Variants in ADAM22 observed in about 807,000 individuals in gnomAD.
The protein encoded by ADAM22 is disintegrin and metalloproteinase domain-containing protein 22.
In ADAM22, 65 loss-of-function variants were observed where a neutral mutation model predicts 144.6. That is an observed-to-expected ratio of 0.45 (90% CI 0.37 to 0.55). The LOEUF (loss-of-function observed/expected upper bound fraction) is 0.55. ADAM22 is among the 20% of genes least tolerant of loss of function. The pLI is 0.00. For missense variants in ADAM22, 974 were observed against 1,184.9 expected (o/e 0.82, Z 2.61); for synonymous variants, 391 against 412.6 (o/e 0.95, Z 0.63).
intron 3 of ADAM22, among the ~76,000 whole-genome samples, chr7:87,982,960 G>A (rs1266978280): frequency 6.6e-6 from 1 of 151,062 alleles, no homozygotes; most frequent in Admixed American, 6.6e-5. Context: ...CAAAGTGCTG[G>A]GATTACAAGT....
chr7:88,090,714 C>T lies in ADAM22; in HGVS notation c.390+15022C>T, dbSNP rs114672314. Among the ~76,000 whole-genome samples the T allele has an allele frequency of 6.7e-3, 1,023 of 152,094 alleles. 13 individuals are homozygous for T. Among genetic ancestry groups the T allele is most frequent in the African/African-American group, 0.023 (971 of 41,476 alleles). On this transcript the variant is annotated intron_variant, in intron 4 of 31. Coordinates refer to ENST00000413139, the MANE Select transcript of ADAM22 (RefSeq NM_001324418.2). ...AGAGCTCAACTTTCTAAAAGTGATT[C>T]CATAAGTAGGGTTCACCATATGGTA...
chr7:88,107,555 G>T (rs1824770758), intron 4 of ADAM22, among the ~76,000 whole-genome samples: 1 of 151,832 alleles, frequency 6.6e-6, no homozygotes, highest in Non-Finnish European at 1.5e-5. Flanking sequence ...TGGTGCAAGG[G>T]TCACATATGT....
chr7:87,959,319 TA>T (rs1847525879), intron 2 of ADAM22, among the ~76,000 whole-genome samples: 3 of 152,286 alleles, frequency 2.0e-5, no homozygotes, highest in South Asian at 4.1e-4. Flanking sequence ...ATAATATACA[TA>T]AAGCTGTAGC....
chr7:88,135,210 G>A (rs1267997503), intron 13 of ADAM22, among the ~76,000 whole-genome samples: 3 of 149,276 alleles, frequency 2.0e-5, no homozygotes, highest in Admixed American at 6.7e-5. Flanking sequence ...CCCAGGAGGC[G>A]GAGGTTGCGG....
chr7:87,967,092 G>A (rs1849308753), intron 2 of ADAM22, among the ~76,000 whole-genome samples: 1 of 152,102 alleles, frequency 6.6e-6, no homozygotes, highest in South Asian at 2.1e-4. Flanking sequence ...ATGTGAAGAA[G>A]GATGTGTTTG....
chr7:88,174,258 AC>A (rs1202248693), intron 26 of ADAM22, among the ~76,000 whole-genome samples: 1 of 152,140 alleles, frequency 6.6e-6, no homozygotes, highest in African/African-American at 2.4e-5. Flanking sequence ...TGTGAAGCAG[AC>A]CCACGTTTTT....
At chr7:88,024,787 C>T (rs1172352859) in intron 3 of ADAM22, among the ~76,000 whole-genome samples, 6 of 148,464 alleles carry the variant, frequency 4.0e-5, no homozygotes, top group African/African-American at 7.4e-5. Context: ...CACCTATGAG[C>T]GAGAACATGC....
intron 3 of ADAM22, among the ~76,000 whole-genome samples, chr7:88,067,223 G>C (rs1811475244): frequency 6.6e-6 from 1 of 150,774 alleles, no homozygotes; most frequent in South Asian, 2.1e-4. Context: ...TTGGTGTAGT[G>C]TGTTCCCTGG....
At chr7:87,940,966 A>G (rs1447189904) in intron 2 of ADAM22, among the ~76,000 whole-genome samples, 2 of 152,222 alleles carry the variant, frequency 1.3e-5, no homozygotes, top group Admixed American at 6.5e-5. Flanking sequence ...TATTTTTTGA[A>G]TAAGCACCTT....
At chr7:88,070,613 G>A (rs896817695) in intron 3 of ADAM22, among the ~76,000 whole-genome samples, 1 of 151,822 alleles carries the variant, frequency 6.6e-6, no homozygotes, top group African/African-American at 2.4e-5. Context: ...TCTATTATTG[G>A]TTATGTTAAC....
intron 2 of ADAM22, 48 bp downstream of exon 2, chr7:87,935,234 C>G (rs774219586): frequency 8.7e-5 from 131 of 1,506,480 alleles, no homozygotes; most frequent in Admixed American, 2.4e-4. Flanking sequence ...CCCGGCCCAC[C>G]CGAGACCCCA....
At chr7:88,107,941 A>G (rs1184962724) in intron 4 of ADAM22, among the ~76,000 whole-genome samples, 2 of 152,180 alleles carry the variant, frequency 1.3e-5, no homozygotes, top group East Asian at 1.9e-4. Context: ...TATCACCTAC[A>G]TAAAAGAAAG....
intron 3 of ADAM22, among the ~76,000 whole-genome samples, chr7:87,999,924 A>C (rs997084386): frequency 2.0e-5 from 3 of 152,122 alleles, no homozygotes; most frequent in African/African-American, 7.2e-5. Flanking sequence ...GTAGTGTTCC[A>C]TAATTGCACC....
chr7:88,003,549 G>C (rs1187382255), intron 3 of ADAM22, among the ~76,000 whole-genome samples: 1 of 152,068 alleles, frequency 6.6e-6, no homozygotes, highest in Non-Finnish European at 1.5e-5. Flanking sequence ...TTTTTCAAAA[G>C]ACAGAATTAC....
At position 88,128,622 on chromosome 7, in the gene ADAM22, T is replaced by C. The variant is rs768409996; in HGVS notation, c.699T>C (p.Asn233=). 1 of 1,611,892 alleles carries C rather than the reference T, an allele frequency of 6.2e-7. No homozygotes were observed. Among genetic ancestry groups the C allele is most frequent in the South Asian group, 1.1e-5 (1 of 91,020 alleles). ...TACAGCTTCGTCGATATCCTCGTAA[T>C]GTAGAAGAAGAAACCAAATACATTG... ...SKRQLRRYPR[N]VEEETKYIEL... The change falls in exon 9 of 32, where the codon AAT becomes AAC. Residue 233 remains asparagine, a synonymous_variant. Coordinates refer to ENST00000413139, the MANE Select transcript of ADAM22 (RefSeq NM_001324418.2).
At chr7:87,959,880 T>C (rs1184980230) in intron 2 of ADAM22, among the ~76,000 whole-genome samples, 1 of 152,240 alleles carries the variant, frequency 6.6e-6, no homozygotes, top group Non-Finnish European at 1.5e-5. Flanking sequence ...TCTTTTAGAA[T>C]ATACAATTCA....
chr7:87,938,056 CAGA>C (rs1584429585), intron 2 of ADAM22, among the ~76,000 whole-genome samples: 1 of 152,174 alleles, frequency 6.6e-6, no homozygotes, highest in Non-Finnish European at 1.5e-5. Context: ...AGTTAGGAAA[CAGA>C]GGAGTTTTCT....
At position 87,977,449 on chromosome 7, in the gene ADAM22, C is replaced by T. The variant is rs373350681; in HGVS notation, c.247-887C>T. On this transcript the variant is annotated intron_variant, in intron 2 of 31. Transcript: ENST00000413139. Reference sequence around the variant, plus strand: ...TTAATCTCTAAAATAATGTTTGTCACGTTTCTCATTTTAGTGATTATACAT... The same window carrying T: ...TTAATCTCTAAAATAATGTTTGTCATGTTTCTCATTTTAGTGATTATACAT... 8.5e-5 allele frequency among the ~76,000 whole-genome samples: 13 copies of T among 152,248 alleles called. No homozygotes were observed. In the South Asian group the frequency reaches 1.2e-3, roughly 15 times the overall value.
intron 2 of ADAM22, among the ~76,000 whole-genome samples, chr7:87,957,870 A>T (rs921882573): frequency 1.3e-5 from 2 of 152,168 alleles, no homozygotes; most frequent in Non-Finnish European, 2.9e-5. Context: ...GGCATGAGCC[A>T]CCCTGTCTGG....
Sources: allele counts gnomAD v4.1 joint callset (sites outside exome capture counted in the v4.1 genomes callset), GRCh38; gene constraint gnomAD v4.1.1; transcripts MANE v1.5; gene names NCBI Gene and HGNC (gene_info 2026-07-23, HGNC 2026-07-21).